TRHDE: variants seen among roughly 807,000 people sequenced by gnomAD.
TRHDE encodes the protein thyrotropin releasing hormone degrading enzyme, also known as thyrotropin-releasing hormone-degrading ectoenzyme.
In TRHDE, 72 loss-of-function variants were observed where a neutral mutation model predicts 125.7. The ratio of observed to expected loss-of-function variants is 0.57; its 90% CI spans 0.47 to 0.70. The LOEUF is 0.70. Ranked by LOEUF, TRHDE falls within the 30% of genes least tolerant of loss-of-function variation. TRHDE has a pLI of 0.00. For missense variants in TRHDE, 1,110 were observed against 1,327.1 expected (o/e 0.84, Z 2.54); for synonymous variants, 509 against 509.1 (o/e 1.00, Z 0.00).
intron 2 of TRHDE, among the ~76,000 whole-genome samples, chr12:72,193,911 T>G (rs1052660618): frequency 4.6e-5 from 7 of 152,110 alleles, no homozygotes; most frequent in Non-Finnish European, 7.4e-5. Context: ...ATGTAACATC[T>G]CTTGAAAAAC....
At chr12:72,227,088 A>G (rs1698099999) in intron 2 of TRHDE, among the ~76,000 whole-genome samples, 2 of 152,228 alleles carry the variant, frequency 1.3e-5, no homozygotes, top group Admixed American at 1.3e-4. Flanking sequence ...TAACCAAGGT[A>G]AAAATATTTT....
chr12:72,324,623 C>T (rs1869253301), intron 2 of TRHDE, among the ~76,000 whole-genome samples: 1 of 151,988 alleles, frequency 6.6e-6, no homozygotes, highest in Non-Finnish European at 1.5e-5. Flanking sequence ...GAACTGTGCT[C>T]CATTTGTGAC....
At chr12:72,604,802 ACAGT>A (rs1233054137) in intron 12 of TRHDE, among the ~76,000 whole-genome samples, 2 of 152,090 alleles carry the variant, frequency 1.3e-5, no homozygotes, top group Non-Finnish European at 2.9e-5. Flanking sequence ...AAATTTTCAG[ACAGT>A]AAGCATGAAC....
At chr12:72,543,797 G>GATT (rs57214635) in intron 7 of TRHDE, among the ~76,000 whole-genome samples, 64,494 of 141,978 alleles carry the variant, frequency 0.45, 15,908 homozygotes, top group East Asian at 0.71. Context: ...ATTTGGAAAG[G>GATT]ATTATTATTA....
At chr12:72,494,042 G>A (rs1877800189) in intron 5 of TRHDE, among the ~76,000 whole-genome samples, 1 of 151,932 alleles carries the variant, frequency 6.6e-6, no homozygotes, top group Admixed American at 6.6e-5. Flanking sequence ...TCTTATCCCA[G>A]AACCAGGCAT....
At chr12:72,542,269 T>C (rs1869189737) in intron 6 of TRHDE, 22 bp from the exon 7 acceptor site, 1 of 1,559,424 alleles carries the variant, frequency 6.4e-7, no homozygotes, top group Non-Finnish European at 8.7e-7. Context: ...AATTCTGTTC[T>C]TTTTATTATT....
intron 15 of TRHDE, among the ~76,000 whole-genome samples, chr12:72,635,525 T>C (rs887809092): frequency 6.6e-6 from 1 of 152,212 alleles, no homozygotes; most frequent in African/African-American, 2.4e-5. Context: ...CATTTGTCAA[T>C]TGTGGCTTTT....
At chr12:72,213,018 T>C (rs889460069) in intron 2 of TRHDE, among the ~76,000 whole-genome samples, 6 of 152,176 alleles carry the variant, frequency 3.9e-5, no homozygotes, top group Non-Finnish European at 8.8e-5. Context: ...AATGAAATAC[T>C]GATACATGCT....
intron 2 of TRHDE, among the ~76,000 whole-genome samples, chr12:72,154,741 T>G (rs1188914697): frequency 6.6e-6 from 1 of 152,256 alleles, no homozygotes; most frequent in Non-Finnish European, 1.5e-5. Context: ...TTCTGGCTTG[T>G]AGAGTTTCTT....
rs1875102504 is a variant in TRHDE at position 72,666,038 on chromosome 12, G to A, written c.*2843G>A. 1 of 151,942 alleles carries A rather than the reference G, an allele frequency of 6.6e-6. No homozygotes were observed. The highest frequency in any genetic ancestry group is 1.9e-4 in the East Asian group (1 of 5,180). The allele number at this position is 151,942 out of a possible 1,614,324, so 9.4% of individuals were successfully genotyped here. A position where few individuals can be genotyped will look rare whatever the true frequency, so the allele number is the denominator to read the frequency against. ...CAGGACAATTATATCATAGGACTAA[G>A]ATTTTTGTGATAGTATTATTTACAA... On this transcript the variant is annotated 3_prime_UTR_variant, in exon 19 of 19. Transcript: ENST00000261180.
intron 2 of TRHDE, among the ~76,000 whole-genome samples, chr12:72,373,035 C>T (rs1415488345): frequency 6.6e-6 from 1 of 152,148 alleles, no homozygotes; most frequent in South Asian, 2.1e-4. Context: ...TGGAATGTTC[C>T]TCCATTTGTT....
intron 12 of TRHDE, among the ~76,000 whole-genome samples, chr12:72,609,481 G>A (rs962182347): frequency 3.3e-5 from 5 of 151,504 alleles, no homozygotes; most frequent in African/African-American, 7.3e-5. Flanking sequence ...TTTTAGTTTC[G>A]GGGGAACATG....
chr12:72,213,084 A>G (rs749971075), intron 2 of TRHDE, among the ~76,000 whole-genome samples: 11 of 152,198 alleles, frequency 7.2e-5, no homozygotes, highest in Non-Finnish European at 1.5e-4. Flanking sequence ...TAGTCACAAA[A>G]GATTACATGT....
At chr12:72,440,727 C>A (rs1592446784) in intron 3 of TRHDE, among the ~76,000 whole-genome samples, 1 of 151,780 alleles carries the variant, frequency 6.6e-6, no homozygotes, top group Admixed American at 6.6e-5. Flanking sequence ...ATCTGAGGTA[C>A]AAACCCCCCT....
At position 72,160,244 on chromosome 12, in the gene TRHDE, ACAGT is replaced by A. The variant is rs1876605373; in HGVS notation, n.279+54501_279+54504del. 1.3e-5 allele frequency among the ~76,000 whole-genome samples: 2 copies of A among 152,170 alleles called. 1 individual carries two copies. Among genetic ancestry groups the A allele is most frequent in the South Asian group, 4.1e-4 (2 of 4,832 alleles). On this transcript the variant is annotated intron_variant and non_coding_transcript_variant, in intron 2 of 4. Coordinates refer to the TRHDE transcript ENST00000548156. ...ACTGCTAGGAACTAAGTTGGAACTC[ACAGT>A]CAGTCAGTGGCTCTCAAAGTGTGGT...
intron 2 of TRHDE, among the ~76,000 whole-genome samples, chr12:72,126,216 G>A (rs1004781725): frequency 1.3e-5 from 2 of 152,008 alleles, no homozygotes; most frequent in African/African-American, 4.8e-5. Flanking sequence ...CATAAATGAC[G>A]CAAACGGAAA....
intron 12 of TRHDE, among the ~76,000 whole-genome samples, chr12:72,618,008 T>A (rs1489889106): frequency 1.3e-5 from 2 of 152,112 alleles, no homozygotes; most frequent in Non-Finnish European, 2.9e-5. Context: ...TCCACCAAAA[T>A]ACATAGTGTC....
chr12:72,255,132 A>G (rs1293223740), intron 2 of TRHDE: 1 of 152,220 alleles, frequency 6.6e-6, no homozygotes, highest in Non-Finnish European at 1.5e-5. Context: ...TACTGACAGA[A>G]AAATCTTGAT....
Position 72,562,841 on chromosome 12 carries a change from T to C in TRHDE, c.1855-12T>C. The C allele has an allele frequency of 6.6e-7, 1 of 1,517,046 alleles. No individual in the cohort carries two copies. The highest frequency in any genetic ancestry group is 8.9e-7 in the Non-Finnish European group (1 of 1,128,676). 94.0% of individuals were successfully genotyped at this position (1,517,046 alleles called of 1,614,324 possible). On this transcript the variant is annotated splice_polypyrimidine_tract_variant and intron_variant, in intron 8 of 18. Coordinates refer to ENST00000261180, the MANE Select transcript of TRHDE (RefSeq NM_013381.3). ...GTTTATAAAACTAATTTGTACATTT[T>C]TCCTTGTGAAGGCTTTAAAAAGAAA... is the stretch of plus-strand genomic sequence containing the variant.
Sources: allele counts gnomAD v4.1 joint callset (sites outside exome capture counted in the v4.1 genomes callset), GRCh38; gene constraint gnomAD v4.1.1; transcripts MANE v1.5; gene names NCBI Gene and HGNC (gene_info 2026-07-23, HGNC 2026-07-21).